Variants in SPACA1 observed in about 807,000 individuals in gnomAD.
SPACA1 encodes sperm acrosome associated 1.
A neutral mutation model predicts 32.6 loss-of-function variants in SPACA1; 17 were observed. The ratio of observed to expected loss-of-function variants is 0.52; its 90% CI spans 0.36 to 0.78. The LOEUF (loss-of-function observed/expected upper bound fraction) is 0.78. Among genes scored for constraint, SPACA1 ranks in the 30% least tolerant of loss-of-function variants. The pLI, the probability that SPACA1 is intolerant of heterozygous loss-of-function variation, is 0.01. For synonymous variants in SPACA1, 140 were observed against 138.1 expected, an observed-to-expected ratio of 1.01 and a Z score of -0.10; for missense variants, 363 against 373.4, an observed-to-expected ratio of 0.97 and a Z score of 0.23.
chr6:88,062,803 G>T (rs762923350), intron 5 of SPACA1, among the ~76,000 whole-genome samples: 20 of 152,062 alleles, frequency 1.3e-4, no homozygotes, highest in Non-Finnish European at 8.8e-5. Flanking sequence ...AGGGGTCGGG[G>T]TATGTGGATA....
At chr6:88,060,544 T>G (rs977446030) in intron 5 of SPACA1, among the ~76,000 whole-genome samples, 1 of 152,212 alleles carries the variant, frequency 6.6e-6, no homozygotes, top group African/African-American at 2.4e-5. Context: ...AGGGTGATTT[T>G]AAAAAATAAA....
intron 5 of SPACA1, among the ~76,000 whole-genome samples, chr6:88,061,153 T>C (rs761897451): frequency 5.9e-5 from 9 of 152,196 alleles, no homozygotes; most frequent in Non-Finnish European, 1.2e-4. Context: ...GAAACAAATA[T>C]GTAATTGAGA....
At chr6:88,058,660 G>A (rs778705011) in intron 3 of SPACA1, 56 bp from the exon 4 acceptor site, 14 of 1,250,902 alleles carry the variant, frequency 1.1e-5, no homozygotes, top group East Asian at 2.4e-5. Flanking sequence ...AAGTAATTTC[G>A]TGTATAAAGC....
intron 5 of SPACA1, among the ~76,000 whole-genome samples, chr6:88,061,508 A>G (rs1019270548): frequency 2.0e-5 from 3 of 152,120 alleles, no homozygotes; most frequent in Admixed American, 1.3e-4. Context: ...AGACACAGAG[A>G]AACAGACATA....
chr6:88,058,230 C>T (rs1323149967), intron 3 of SPACA1, among the ~76,000 whole-genome samples: 1 of 152,178 alleles, frequency 6.6e-6, no homozygotes, highest in Admixed American at 6.5e-5. Flanking sequence ...CATGGTGTCT[C>T]CTCACCTGCT....
rs540480819 is a variant in SPACA1 at position 88,064,539 on chromosome 6, A to G, written c.731+320A>G. 8.1e-5 allele frequency: 13 copies of G among 159,722 alleles called. No homozygotes were observed. The East Asian group carries it at 2.4e-3, about 29-fold the overall frequency. 9.9% of individuals were successfully genotyped at this position (159,722 alleles called of 1,614,324 possible). A position where few individuals can be genotyped will look rare whatever the true frequency, so the allele number is the denominator to read the frequency against. On this transcript the variant is annotated intron_variant, in intron 6 of 6. Coordinates refer to ENST00000237201, the MANE Select transcript of SPACA1 (RefSeq NM_030960.3). Reference sequence around the variant, plus strand: ...GTGTTGTCCAGTTGTGGTTCTCTCAACTCTAAAACTTGGTTATTGTAACCT... The same window carrying G: ...GTGTTGTCCAGTTGTGGTTCTCTCAGCTCTAAAACTTGGTTATTGTAACCT...
At position 88,058,648 on chromosome 6, in the gene SPACA1, A is replaced by G; in HGVS notation, c.368-68A>G. ...AACCAGATCCTGTCTCAGGAAAAAAAAAAGTAATTTCGTGTATAAAGCAAT... is the reference window on the plus strand; with the variant it reads ...AACCAGATCCTGTCTCAGGAAAAAAGAAAGTAATTTCGTGTATAAAGCAAT... On this transcript the variant is annotated intron_variant, in intron 3 of 6. Transcript: ENST00000237201. 7 of 1,165,984 alleles carry G rather than the reference A, an allele frequency of 6.0e-6. No individual in the cohort carries two copies. In the South Asian group the frequency reaches 9.4e-5, roughly 16 times the overall value. 72.2% of individuals were successfully genotyped at this position (1,165,984 alleles called of 1,614,324 possible). A position where few individuals can be genotyped will look rare whatever the true frequency, so the allele number is the denominator to read the frequency against.
chr6:88,056,170 A>G (rs890053132), intron 2 of SPACA1, among the ~76,000 whole-genome samples: 1 of 152,066 alleles, frequency 6.6e-6, no homozygotes, highest in Non-Finnish European at 1.5e-5. Flanking sequence ...CCTGACCACC[A>G]TGGTGAAACC....
At chr6:88,049,318 G>A (rs1775694216) in intron 1 of SPACA1, among the ~76,000 whole-genome samples, 1 of 152,164 alleles carries the variant, frequency 6.6e-6, no homozygotes, top group African/African-American at 2.4e-5. Flanking sequence ...GCTAAACTCA[G>A]GCAATAAAGT....
intron 5 of SPACA1, among the ~76,000 whole-genome samples, chr6:88,062,562 A>G (rs532644697): frequency 2.0e-5 from 3 of 152,238 alleles, no homozygotes; most frequent in Non-Finnish European, 4.4e-5. Context: ...CAATGTAGCA[A>G]TACTGTAATA....
chr6:88,059,578 T>C lies in SPACA1; in HGVS notation c.600T>C (p.Tyr200=). The C allele has an allele frequency of 1.2e-6, 2 of 1,611,812 alleles. No homozygotes were observed. The highest frequency in any genetic ancestry group is 1.7e-6 in the Non-Finnish European group (2 of 1,179,054). ...EIVATIKFTV[Y]TSSELQMRRS... is the part of the protein sequence containing the mutation. ...TAGCAACTATTAAATTCACAGTCTA[T>C]ACGAGCAGTGGTAAGTGTCCAGCAA... Residue 200 remains tyrosine (Y), a synonymous_variant, in exon 5 of 7, where the codon TAT becomes TAC. Transcript: ENST00000237201.
intron 2 of SPACA1, among the ~76,000 whole-genome samples, chr6:88,056,485 T>G (rs1775809459): frequency 6.6e-6 from 1 of 152,224 alleles, no homozygotes; most frequent in South Asian, 2.1e-4. Flanking sequence ...TCCCTTACTA[T>G]TCAACGTGCG....
At chr6:88,048,396 G>T (rs1457795964) in intron 1 of SPACA1, among the ~76,000 whole-genome samples, 2 of 152,030 alleles carry the variant, frequency 1.3e-5, no homozygotes, top group East Asian at 1.9e-4. Flanking sequence ...TTTTTTCAGG[G>T]TGGGAGGTAG....
intron 6 of SPACA1, 22 bp from the exon 7 acceptor site, chr6:88,066,160 T>C (rs759560971): frequency 6.5e-7 from 1 of 1,546,232 alleles, no homozygotes; most frequent in Non-Finnish European, 8.7e-7. Context: ...ATGGTGGTTT[T>C]GGTTTTTGTT....
At chr6:88,047,670 T>G, upstream of SPACA1, 1 of 509,138 alleles carries the variant, frequency 2.0e-6, no homozygotes, top group Non-Finnish European at 3.5e-6. Flanking sequence ...TCCTAGGGAC[T>G]TGTCGCACGC....
At chr6:88,059,341 C>A in intron 4 of SPACA1, 112 bp from the exon 5 acceptor site, 1 of 933,478 alleles carries the variant, frequency 1.1e-6, no homozygotes, top group South Asian at 2.0e-5. Flanking sequence ...ATTAATTACT[C>A]AACTAGGCTA....
intron 1 of SPACA1, among the ~76,000 whole-genome samples, chr6:88,049,418 G>T (rs1324864548): frequency 2.6e-5 from 4 of 152,156 alleles, no homozygotes; most frequent in Non-Finnish European, 4.4e-5. Context: ...AGGAATCCAT[G>T]TACTTTGTGG....
rs933545090 is a variant in SPACA1 at position 88,051,456 on chromosome 6, A to G, written c.209-2490A>G. On this transcript the variant is annotated intron_variant, in intron 1 of 6. Transcript: ENST00000237201. ...AACTCAAATTGCACTCTGATGATAT[A>G]TACCAAAAGTTACCATGTGCTGTCC... is the stretch of plus-strand genomic sequence containing the variant. Among the ~76,000 whole-genome samples the G allele has an allele frequency of 3.9e-5, 6 of 152,216 alleles. No homozygotes were observed. The East Asian group carries it at 9.6e-4, about 24-fold the overall frequency.
At position 88,048,095 on chromosome 6, in the gene SPACA1, C is replaced by T. The variant is rs377337225; in HGVS notation, c.190C>T (p.Pro64Ser). 7.8e-5 allele frequency: 124 copies of T among 1,593,514 alleles called. 1 individual carries two copies. In the South Asian group the frequency reaches 1.4e-3, roughly 18 times the overall value. Reference protein sequence around the residue: ...NDSETAENYAPPETEDVSNRN... With the variant: ...NDSETAENYASPETEDVSNRN... The stretch of plus-strand genomic sequence containing the variant: ...CAGCGAGACCGCGGAGAACTACGCT[C>T]CGCCTGAAACCGAGGATGGTGAGGG... The change falls in exon 1 of 7, where the codon CCG (proline) becomes TCG (serine). Residue 64 changes from proline to serine, a missense_variant. Pro to Ser is a moderately conservative substitution (Grantham distance 74). Coordinates refer to ENST00000237201, the MANE Select transcript of SPACA1 (RefSeq NM_030960.3).
Sources: allele counts gnomAD v4.1 joint callset (sites outside exome capture counted in the v4.1 genomes callset), GRCh38; gene constraint gnomAD v4.1.1; transcripts MANE v1.5; gene names NCBI Gene and HGNC (gene_info 2026-07-23, HGNC 2026-07-21).